Variants in POLRMT observed in about 807,000 individuals in gnomAD.
The protein encoded by POLRMT is DNA-directed RNA polymerase, mitochondrial.
A neutral mutation model predicts 132.2 loss-of-function variants in POLRMT; 114 were observed. That is an observed-to-expected ratio of 0.86 (90% confidence interval 0.74 to 1.01). The LOEUF (loss-of-function observed/expected upper bound fraction) is 1.01, where lower values mean the gene tolerates loss of function less well. Among genes scored for constraint, POLRMT ranks in the 50% least tolerant of loss-of-function variants. POLRMT has a pLI of 0.00. For missense variants in POLRMT, 2,003 were observed against 1,729.1 expected, an observed-to-expected ratio of 1.16 and a Z score of -2.81; for synonymous variants, 1,020 against 773.4, an observed-to-expected ratio of 1.32 and a Z score of -5.29.
intron 3 of POLRMT, among the ~76,000 whole-genome samples, chr19:625,931 G>T (rs1984987908): frequency 6.6e-6 from 1 of 152,054 alleles, no homozygotes; most frequent in South Asian, 2.1e-4. Flanking sequence ...TCGAACTCCT[G>T]ACATCGTGAT....
intron 5 of POLRMT, 37 bp downstream of exon 5, chr19:624,682 T>C: frequency 1.3e-6 from 2 of 1,592,558 alleles, no homozygotes; most frequent in Non-Finnish European, 1.7e-6. Flanking sequence ...AGGGCAGCTA[T>C]AAGGACTGAA....
At position 617,786 on chromosome 19, in the gene POLRMT, G is replaced by A. The variant is rs1232189006; in HGVS notation, c.3486C>T (p.Val1162=). Residue 1162 remains valine (V), a synonymous_variant, in exon 18 of 21, where the codon GTC becomes GTT. Transcript: ENST00000588649. ...CAGACTACGGGGGCACCTGGTTCAT[G>A]ACGGAGACATCAGCTGCGTGAGTCC... is the stretch of plus-strand genomic sequence containing the variant. The part of the protein sequence containing the change: ...CYWTHAADVS[V]MNQVCREQFV... 8.7e-6 allele frequency: 14 copies of A among 1,613,342 alleles called. No homozygotes were observed. Among genetic ancestry groups the A allele is most frequent in the Middle Eastern group, 1.7e-4 (1 of 6,060 alleles).
intron 1 of POLRMT, 143 bp downstream of exon 1, chr19:633,282 C>A (rs1160663925): frequency 1.9e-6 from 2 of 1,047,546 alleles, no homozygotes; most frequent in Non-Finnish European, 1.3e-6. Flanking sequence ...CGGGCAAGGG[C>A]GAGTGGAAAG....
At chr19:631,390 AGCACTTTAGGAGGCCGAG>A (rs1393024087) in intron 2 of POLRMT, among the ~76,000 whole-genome samples, 10 of 149,302 alleles carry the variant, frequency 6.7e-5, no homozygotes, top group Non-Finnish European at 1.3e-4. Flanking sequence ...CTGTAATCCC[AGCACTTTAGGAGGCCGAG>A]GCAGGCGGAT....
chr19:619,122 A>C lies in POLRMT; in HGVS notation c.3154-12T>G. The C allele has an allele frequency of 6.2e-7, 1 of 1,610,820 alleles. No homozygotes were observed. Among genetic ancestry groups the C allele is most frequent in the Non-Finnish European group, 8.5e-7 (1 of 1,178,584 alleles). ...TCGGTCAGCCAGTGCTGTGGGACAC[A>C]GGCCGTCTCAGGGCAGGGGGCTCAG... On this transcript the variant is annotated splice_polypyrimidine_tract_variant and intron_variant, in intron 14 of 20. Coordinates refer to ENST00000588649, the MANE Select transcript of POLRMT (RefSeq NM_005035.4).
chr19:633,258 C>A, intron 1 of POLRMT, 167 bp downstream of exon 1: 1 of 844,446 alleles, frequency 1.2e-6, no homozygotes, highest in East Asian at 3.3e-5. Flanking sequence ...CACGGAGGAG[C>A]CTCAGTCGAA....
chr19:633,393 C>T, intron 1 of POLRMT, 32 bp downstream of exon 1: 1 of 1,488,310 alleles, frequency 6.7e-7, no homozygotes, highest in Non-Finnish European at 9.0e-7. Context: ...GCCGTGGCCC[C>T]CGGGCTGCCT....
Position 620,754 on chromosome 19 carries a change from CG to C in POLRMT, c.2641-268del, listed in dbSNP as rs1479049805. ...GGGTGGACAGAGGACCTGGGGGCGCCGGGGGAGGAAGCAGCTCGGCGGATGC... is the reference window on the plus strand; with the variant it reads ...GGGTGGACAGAGGACCTGGGGGCGCCGGGGAGGAAGCAGCTCGGCGGATGC... On this transcript the variant is annotated intron_variant, in intron 10 of 20. Coordinates refer to ENST00000588649, the MANE Select transcript of POLRMT (RefSeq NM_005035.4). Among the ~76,000 whole-genome samples the C allele has an allele frequency of 2.7e-4, 11 of 40,306 alleles. No homozygotes were observed. In the South Asian group the frequency reaches 0.013, roughly 46 times the overall value. The allele number at this position is 40,306 out of a possible 152,430, so 26.4% of individuals were successfully genotyped here. A position where few individuals can be genotyped will look rare whatever the true frequency, so the allele number is the denominator to read the frequency against.
chr19:618,060 G>T (rs762356391), intron 17 of POLRMT: 2 of 576,382 alleles, frequency 3.5e-6, no homozygotes, highest in East Asian at 2.9e-5. Flanking sequence ...AAGCCTCCTC[G>T]CCCCACCCCT....
At chr19:625,058 C>T (rs1044856668) in intron 4 of POLRMT, 66 bp downstream of exon 4, 11 of 1,550,886 alleles carry the variant, frequency 7.1e-6, no homozygotes, top group South Asian at 4.9e-5. Context: ...GCCCAGGCAC[C>T]GTCCCAGATC....
intron 4 of POLRMT, 90 bp from the exon 5 acceptor site, chr19:624,995 A>G: frequency 6.6e-7 from 1 of 1,521,228 alleles, no homozygotes; most frequent in Admixed American, 2.0e-5. Flanking sequence ...ACCTCCTGCT[A>G]GCCTGCAGGT....
chr19:627,789 G>T (rs1271040676), intron 3 of POLRMT, among the ~76,000 whole-genome samples: 1 of 151,866 alleles, frequency 6.6e-6, no homozygotes, highest in African/African-American at 2.4e-5. Flanking sequence ...GCCGGGCGTG[G>T]TGGTGAGTCC....
rs1358767857 is a variant in POLRMT at position 618,885 on chromosome 19, CACACTGGGGCGGTGGT to C, written c.3267+96_3267+111del. ...GGCACACTGGCGCGGGATGGGGTGGCACACTGGGGCGGTGGTACACTGGGGTGGTGGTACGCTGGGG... is the reference window on the plus strand; with the variant it reads ...GGCACACTGGCGCGGGATGGGGTGGCACACTGGGGTGGTGGTACGCTGGGG... On this transcript the variant is annotated intron_variant, in intron 15 of 20. Transcript: ENST00000588649. 68 of 1,357,088 alleles carry C rather than the reference CACACTGGGGCGGTGGT, an allele frequency of 5.0e-5. 1 individual carries two copies. The highest frequency in any genetic ancestry group is 2.0e-4 in the African/African-American group (14 of 69,008). 84.1% of individuals were successfully genotyped at this position (1,357,088 alleles called of 1,614,324 possible). A position where few individuals can be genotyped will look rare whatever the true frequency, so the allele number is the denominator to read the frequency against.
chr19:626,083 G>T (rs1984997202), intron 3 of POLRMT, among the ~76,000 whole-genome samples: 1 of 152,080 alleles, frequency 6.6e-6, no homozygotes, highest in Non-Finnish European at 1.5e-5. Flanking sequence ...ACTTCTGACA[G>T]GTGGTGTTTT....
intron 15 of POLRMT, 22 bp from the exon 16 acceptor site, chr19:618,782 T>A: frequency 3.2e-6 from 5 of 1,581,412 alleles, no homozygotes; most frequent in Non-Finnish European, 3.4e-6. Flanking sequence ...AAGGGGCCGG[T>A]GAGTCCCACC....
At position 617,770 on chromosome 19, in the gene POLRMT, G is replaced by C. The variant is rs754265267; in HGVS notation, c.3495+7C>G. 2.5e-6 allele frequency: 4 copies of C among 1,613,204 alleles called. No individual in the cohort carries two copies. The highest frequency in any genetic ancestry group is 2.2e-5 in the South Asian group (2 of 91,078). On this transcript the variant is annotated splice_region_variant and intron_variant, in intron 18 of 20. Coordinates refer to ENST00000588649, the MANE Select transcript of POLRMT (RefSeq NM_005035.4). ...TGGGTGGACTGAGGCTCAGACTACG[G>C]GGGCACCTGGTTCATGACGGAGACA...
Position 618,610 on chromosome 19 carries a change from G to A in POLRMT, c.3324-24C>T, listed in dbSNP as rs767163419. The A allele has an allele frequency of 8.7e-6, 14 of 1,602,150 alleles. No individual in the cohort carries two copies. In the East Asian group the frequency reaches 1.1e-4, roughly 13 times the overall value. The stretch of plus-strand genomic sequence containing the variant: ...TTCTGAGGACGGAACAGGTGCCGGT[G>A]GGGGCGGCCCAGGGACACCCCTAAC... On this transcript the variant is annotated intron_variant, in intron 16 of 20. Transcript: ENST00000588649.
chr19:631,495 C>T (rs1465446912), intron 2 of POLRMT, among the ~76,000 whole-genome samples: 2 of 151,058 alleles, frequency 1.3e-5, no homozygotes, highest in African/African-American at 2.4e-5. Flanking sequence ...AAAAATTAAC[C>T]GGGCGTGGTG....
chr19:629,257 C>T (rs896280155), intron 3 of POLRMT, among the ~76,000 whole-genome samples: 1 of 152,000 alleles, frequency 6.6e-6, no homozygotes, highest in African/African-American at 2.4e-5. Flanking sequence ...CAGGCTGCCC[C>T]CCGACGAGGC....
Sources: allele counts gnomAD v4.1 joint callset (sites outside exome capture counted in the v4.1 genomes callset), GRCh38; gene constraint gnomAD v4.1.1; transcripts MANE v1.5; gene names NCBI Gene and HGNC (gene_info 2026-07-23, HGNC 2026-07-21).